The following SEC14L5 variants were observed in gnomAD, a reference collection of about 807,000 sequenced individuals.
SEC14L5 encodes SEC14-like protein 5.
Under a neutral mutation model 84.6 loss-of-function variants are expected in SEC14L5, and 96 were observed. That is an observed-to-expected ratio of 1.13 (90% CI 0.96 to 1.34). The LOEUF (loss-of-function observed/expected upper bound fraction) is 1.34. SEC14L5 is among the 40% of genes most tolerant of loss of function. The probability of loss-of-function intolerance (pLI) is 0.00; values close to 1 mark genes in which losing one functional copy is unlikely to be tolerated. For synonymous variants in SEC14L5, 546 were observed against 383.4 expected, an observed-to-expected ratio of 1.42 and a Z score of -4.95; for missense variants, 1,224 against 942.5, an observed-to-expected ratio of 1.30 and a Z score of -3.91.
intron 2 of SEC14L5, among the ~76,000 whole-genome samples, chr16:4,962,815 C>G (rs1443560135): frequency 1.3e-5 from 2 of 152,098 alleles, no homozygotes; most frequent in African/African-American, 2.4e-5. Context: ...TGAAATGGTC[C>G]CAAGCCACAG....
intron 2 of SEC14L5, among the ~76,000 whole-genome samples, chr16:4,960,130 G>A (rs932986379): frequency 6.6e-6 from 1 of 152,190 alleles, no homozygotes; most frequent in Non-Finnish European, 1.5e-5. Flanking sequence ...CACCCTGGGG[G>A]CAGAAGCTGG....
Position 4,988,283 on chromosome 16 carries a change from G to A in SEC14L5, c.345+3G>A, listed in dbSNP as rs973000599. Reference sequence around the variant, plus strand: ...TGAACGAGCACTGCAGCTACACGGTGAGCCCAGGCCACCCTCAGCGCCCAC... The same window carrying A: ...TGAACGAGCACTGCAGCTACACGGTAAGCCCAGGCCACCCTCAGCGCCCAC... On this transcript the variant is annotated splice_donor_region_variant and intron_variant, in intron 4 of 15. Transcript: ENST00000251170. 13 of 1,613,416 alleles carry A rather than the reference G, an allele frequency of 8.1e-6. No individual in the cohort carries two copies. Among genetic ancestry groups the A allele is most frequent in the Middle Eastern group, 3.3e-4 (2 of 6,084 alleles).
At chr16:5,004,214 G>C (rs560376774) in intron 11 of SEC14L5, among the ~76,000 whole-genome samples, 1 of 152,336 alleles carries the variant, frequency 6.6e-6, no homozygotes, top group Admixed American at 6.5e-5. Context: ...AGTAGCAGGG[G>C]AGGGTGGGGG....
intron 2 of SEC14L5, among the ~76,000 whole-genome samples, chr16:4,986,698 A>C (rs996305290): frequency 6.6e-6 from 1 of 151,844 alleles, no homozygotes; most frequent in Admixed American, 6.6e-5. Flanking sequence ...TAGGGCTTTA[A>C]TTTTTTTCAG....
chr16:5,010,376 C>A (rs112729539), intron 14 of SEC14L5, among the ~76,000 whole-genome samples: 4 of 150,888 alleles, frequency 2.7e-5, no homozygotes, highest in African/African-American at 4.9e-5. Context: ...AAAAAAAAAA[C>A]AAAACTGTAG....
intron 2 of SEC14L5, among the ~76,000 whole-genome samples, chr16:4,977,918 A>G (rs1012454983): frequency 1.3e-5 from 2 of 151,018 alleles, no homozygotes; most frequent in Non-Finnish European, 2.9e-5. Flanking sequence ...CTCATGCCTC[A>G]GCCTCCCGAG....
Position 5,000,730 on chromosome 16 carries a change from C to T in SEC14L5, c.1046C>T (p.Ala349Val). The change falls in exon 9 of 16, where the codon GCG (alanine) becomes GTG (valine). Residue 349 changes from alanine to valine, a missense_variant. Transcript: ENST00000251170. ...KGLMKAVGEE[A>V]LLRHVLSVNE... Reference sequence around the variant, plus strand: ...TTGATGAAGGCCGTGGGGGAGGAGGCGCTGCTGCGGCATGTGAGTCAGGGG... The same window carrying T: ...TTGATGAAGGCCGTGGGGGAGGAGGTGCTGCTGCGGCATGTGAGTCAGGGG... The T allele has an allele frequency of 2.6e-6, 4 of 1,552,436 alleles. No individual in the cohort carries two copies. The highest frequency in any genetic ancestry group is 2.0e-5 in the Admixed American group (1 of 51,052).
intron 2 of SEC14L5, among the ~76,000 whole-genome samples, chr16:4,964,495 A>G (rs1596611614): frequency 1.3e-5 from 2 of 151,992 alleles, no homozygotes; most frequent in Admixed American, 1.3e-4. Flanking sequence ...CTGAGGCAGG[A>G]GAATCGCTTG....
At chr16:4,983,245 C>G (rs946065008) in intron 2 of SEC14L5, among the ~76,000 whole-genome samples, 1 of 151,906 alleles carries the variant, frequency 6.6e-6, no homozygotes, top group Non-Finnish European at 1.5e-5. Context: ...AACTCCTGAC[C>G]TTAAATGATC....
At chr16:5,003,707 C>A in intron 11 of SEC14L5, 134 bp downstream of exon 11, 1 of 628,106 alleles carries the variant, frequency 1.6e-6, no homozygotes, top group Non-Finnish European at 2.7e-6. Context: ...ACTCACATAG[C>A]ATAAAGCTCA....
At chr16:4,960,711 G>A (rs1955111143) in intron 2 of SEC14L5, 1 of 152,178 alleles carries the variant, frequency 6.6e-6, no homozygotes, top group Non-Finnish European at 1.5e-5. Flanking sequence ...TCACCAATGG[G>A]AATCTCCTGG....
chr16:4,994,751 C>T (rs1955591398), intron 6 of SEC14L5, among the ~76,000 whole-genome samples: 1 of 151,956 alleles, frequency 6.6e-6, no homozygotes. Flanking sequence ...GCCTGGTCCC[C>T]TGTACCTTCC....
At chr16:4,975,845 T>G (rs985995540) in intron 2 of SEC14L5, among the ~76,000 whole-genome samples, 26 of 152,104 alleles carry the variant, frequency 1.7e-4, no homozygotes, top group African/African-American at 6.3e-4. Flanking sequence ...AGTGGCTGCG[T>G]AGTGGCCAGG....
intron 15 of SEC14L5, among the ~76,000 whole-genome samples, chr16:5,012,211 C>T (rs376462238): frequency 1.2e-3 from 184 of 152,188 alleles, no homozygotes; most frequent in African/African-American, 4.4e-3. Flanking sequence ...TTTTGGCCAT[C>T]GGTCCTCAGT....
chr16:5,005,614 C>T (rs923570192), intron 11 of SEC14L5, among the ~76,000 whole-genome samples: 1 of 151,948 alleles, frequency 6.6e-6, no homozygotes, highest in African/African-American at 2.4e-5. Flanking sequence ...GTAATCCCAG[C>T]ACTTTGGGAG....
intron 11 of SEC14L5, among the ~76,000 whole-genome samples, chr16:5,004,483 A>G (rs1955710170): frequency 6.6e-6 from 1 of 152,102 alleles, no homozygotes; most frequent in African/African-American, 2.4e-5. Context: ...AGGTGTGGGC[A>G]GGGGAAGGAG....
chr16:4,984,203 T>C (rs555156438), intron 2 of SEC14L5, among the ~76,000 whole-genome samples: 106 of 152,254 alleles, frequency 7.0e-4, no homozygotes, highest in African/African-American at 2.5e-3. Flanking sequence ...TCCTCACCAC[T>C]CCTGGTCCCT....
intron 2 of SEC14L5, among the ~76,000 whole-genome samples, chr16:4,961,482 C>A (rs1255546097): frequency 6.6e-6 from 1 of 152,116 alleles, no homozygotes; most frequent in Non-Finnish European, 1.5e-5. Flanking sequence ...ATGCACACCA[C>A]CATGCCCAGG....
chr16:4,965,166 T>C (rs1955182096), intron 2 of SEC14L5, among the ~76,000 whole-genome samples: 1 of 152,232 alleles, frequency 6.6e-6, no homozygotes, highest in African/African-American at 2.4e-5. Context: ...TTAAGGTTCA[T>C]CCACATCTTA....
Sources: gnomAD v4.1 joint callset for allele counts (sites outside exome capture counted in the v4.1 genomes callset) on GRCh38, gnomAD v4.1.1 for gene constraint, MANE v1.5 for transcripts, NCBI Gene and HGNC (gene_info 2026-07-23, HGNC 2026-07-21) for gene names.